The following SENP6 variants were observed in gnomAD, a reference collection of about 807,000 sequenced individuals.
SENP6 encodes SUMO specific peptidase 6.
Under a neutral mutation model 134.5 loss-of-function variants are expected in SENP6, and 41 were observed. The observed-to-expected ratio is 0.30, with a 90% CI of 0.24 to 0.40. The LOEUF is 0.40. Ranked by LOEUF, SENP6 falls within the 10% of genes least tolerant of loss-of-function variation. The probability of loss-of-function intolerance (pLI) is 1.00; values close to 1 mark genes in which losing one functional copy is unlikely to be tolerated. For missense variants in SENP6, 1,248 were observed against 1,312.5 expected (o/e 0.95, Z 0.76); for synonymous variants, 395 against 429.8 (o/e 0.92, Z 1.00).
chr6:75,685,067 A>C (rs1437983740), intron 16 of SENP6, among the ~76,000 whole-genome samples: 1 of 152,056 alleles, frequency 6.6e-6, no homozygotes, highest in East Asian at 1.9e-4. Flanking sequence ...TTATTACCTC[A>C]ATTTCAGAGC....
chr6:75,657,465 A>G (rs1019435288), intron 7 of SENP6, among the ~76,000 whole-genome samples: 2 of 152,180 alleles, frequency 1.3e-5, no homozygotes, highest in African/African-American at 2.4e-5. Flanking sequence ...TAATTGTTCT[A>G]TATCTGTGTA....
Position 75,678,613 on chromosome 6 carries a change from A to G in SENP6, c.1879A>G (p.Ser627Gly). ...VSFESKIQLR[S>G]KQEFQFFDEE... ...ATTTGAATCTAAAATACAACTTAGA[A>G]GCAAACAAGAATTTCAGTTTTTTGA... The change falls in exon 15 of 24, where the codon AGC becomes GGC. Residue 627 changes from serine (S) to glycine (G), a missense_variant. By Grantham distance (56) the Ser-to-Gly change is moderately conservative. Coordinates refer to ENST00000447266, the MANE Select transcript of SENP6 (RefSeq NM_015571.4). 1 of 1,586,984 alleles carries G rather than the reference A, an allele frequency of 6.3e-7. No individual in the cohort carries two copies. Among genetic ancestry groups the G allele is most frequent in the Non-Finnish European group, 8.6e-7 (1 of 1,158,450 alleles).
intron 19 of SENP6, among the ~76,000 whole-genome samples, chr6:75,706,509 A>G (rs1775415078): frequency 6.6e-6 from 1 of 152,204 alleles, no homozygotes; most frequent in Non-Finnish European, 1.5e-5. Context: ...CTCACCTACA[A>G]ATTAATTTTC....
At chr6:75,636,757 A>G (rs891601986) in intron 5 of SENP6, among the ~76,000 whole-genome samples, 13 of 152,194 alleles carry the variant, frequency 8.5e-5, no homozygotes, top group African/African-American at 3.1e-4. Context: ...GGCACAAAGA[A>G]AGGCTTTAAC....
At chr6:75,621,722 A>G in intron 2 of SENP6, 97 bp downstream of exon 2, 1 of 692,050 alleles carries the variant, frequency 1.4e-6, no homozygotes, top group East Asian at 2.8e-5. Context: ...GGAGTATGGT[A>G]TTCTTAAGAA....
chr6:75,708,340 A>C (rs566525181), intron 19 of SENP6, among the ~76,000 whole-genome samples: 1 of 152,306 alleles, frequency 6.6e-6, no homozygotes, highest in East Asian at 1.9e-4. Flanking sequence ...TTAATATCTT[A>C]ACACCTTTTT....
At chr6:75,692,848 G>C (rs571854076) in intron 16 of SENP6, among the ~76,000 whole-genome samples, 72 of 151,728 alleles carry the variant, frequency 4.7e-4, no homozygotes, top group African/African-American at 1.7e-3. Context: ...CAGACCACCT[G>C]AGCCCAGAAG....
chr6:75,639,053 C>CA (rs1769825300), intron 5 of SENP6, among the ~76,000 whole-genome samples: 1 of 151,880 alleles, frequency 6.6e-6, no homozygotes, highest in African/African-American at 2.4e-5. Flanking sequence ...CCTGTCATCT[C>CA]AAAAACAAAA....
At chr6:75,648,616 T>C (rs1472015244) in intron 7 of SENP6, among the ~76,000 whole-genome samples, 1 of 152,208 alleles carries the variant, frequency 6.6e-6, no homozygotes, top group African/African-American at 2.4e-5. Flanking sequence ...TTCTTAATAA[T>C]GAACAGTCTT....
chr6:75,686,121 A>G (rs1773825287), intron 16 of SENP6, among the ~76,000 whole-genome samples: 2 of 152,104 alleles, frequency 1.3e-5, no homozygotes, highest in Admixed American at 1.3e-4. Flanking sequence ...AGTTCTTCTT[A>G]TTGAATTGAT....
intron 16 of SENP6, among the ~76,000 whole-genome samples, chr6:75,682,348 A>G (rs1448690124): frequency 6.6e-6 from 1 of 152,180 alleles, no homozygotes; most frequent in Non-Finnish European, 1.5e-5. Context: ...ACAAGGATAT[A>G]GAAGAACTCG....
At chr6:75,701,369 C>G (rs564053806) in intron 18 of SENP6, among the ~76,000 whole-genome samples, 1 of 152,280 alleles carries the variant, frequency 6.6e-6, no homozygotes, top group Admixed American at 6.5e-5. Flanking sequence ...TCAGCTGTAT[C>G]ATAAGCACCT....
At position 75,717,157 on chromosome 6, in the gene SENP6, A is replaced by G. The variant is rs1377852121; in HGVS notation, c.*1563A>G. Reference sequence around the variant, plus strand: ...TTAGCTCATATGAAAAACAAGTTTAATTTTATTATTTACTGAACATGGCAA... The same window carrying G: ...TTAGCTCATATGAAAAACAAGTTTAGTTTTATTATTTACTGAACATGGCAA... On this transcript the variant is annotated 3_prime_UTR_variant, in exon 24 of 24. Transcript: ENST00000447266. The G allele has an allele frequency of 6.6e-6, 1 of 152,032 alleles. No homozygotes were observed. Among genetic ancestry groups the G allele is most frequent in the African/African-American group, 2.4e-5 (1 of 41,440 alleles). The allele number at this position is 152,032 out of a possible 1,614,324, so 9.4% of individuals were successfully genotyped here.
chr6:75,629,724 T>C (rs1768966692), intron 3 of SENP6, among the ~76,000 whole-genome samples: 1 of 152,158 alleles, frequency 6.6e-6, no homozygotes, highest in Non-Finnish European at 1.5e-5. Flanking sequence ...AGCTTACAGG[T>C]AATGTATAGG....
At chr6:75,656,799 G>A (rs1450359524) in intron 7 of SENP6, among the ~76,000 whole-genome samples, 2 of 151,854 alleles carry the variant, frequency 1.3e-5, no homozygotes, top group Admixed American at 1.3e-4. Context: ...CTTTCTTTCA[G>A]AGCCTTATAA....
chr6:75,696,370 C>T (rs2133192), intron 17 of SENP6, among the ~76,000 whole-genome samples: 92,224 of 151,978 alleles, frequency 0.61, 28,326 homozygotes, highest in South Asian at 0.67. Flanking sequence ...CCTAGATGTT[C>T]ATCCATAATA....
chr6:75,641,696 G>A (rs1770040625), intron 6 of SENP6, among the ~76,000 whole-genome samples: 1 of 152,130 alleles, frequency 6.6e-6, no homozygotes, highest in Non-Finnish European at 1.5e-5. Context: ...AGAGTAGCTG[G>A]ACTGGGCAAG....
chr6:75,634,371 C>G (rs537978967), intron 4 of SENP6, among the ~76,000 whole-genome samples: 2 of 152,178 alleles, frequency 1.3e-5, no homozygotes, highest in African/African-American at 4.8e-5. Flanking sequence ...TTCATCCTCC[C>G]GAGTAGCTGG....
At chr6:75,603,204 C>T (rs1226703265) in intron 1 of SENP6, among the ~76,000 whole-genome samples, 1 of 152,122 alleles carries the variant, frequency 6.6e-6, no homozygotes, top group Non-Finnish European at 1.5e-5. Context: ...CTTATTGACA[C>T]AATTTGAGTT....
Sources: allele counts gnomAD v4.1 joint callset (sites outside exome capture counted in the v4.1 genomes callset), GRCh38; gene constraint gnomAD v4.1.1; transcripts MANE v1.5; gene names NCBI Gene and HGNC (gene_info 2026-07-23, HGNC 2026-07-21).